Variants in PICALM observed in about 807,000 individuals in gnomAD.
PICALM encodes the protein phosphatidylinositol-binding clathrin assembly protein.
In PICALM, 40 loss-of-function variants were observed where a neutral mutation model predicts 80.5. The ratio of observed to expected loss-of-function variants is 0.50; its 90% CI spans 0.39 to 0.65. The LOEUF (loss-of-function observed/expected upper bound fraction) is 0.65, where lower values mean the gene tolerates loss of function less well. Ranked by LOEUF, PICALM falls within the 30% of genes least tolerant of loss-of-function variation. PICALM has a pLI of 0.00. For synonymous variants in PICALM, 288 were observed against 260.3 expected, an observed-to-expected ratio of 1.11 and a Z score of -1.02; for missense variants, 676 against 778.9, an observed-to-expected ratio of 0.87 and a Z score of 1.57.
intron 1 of PICALM, among the ~76,000 whole-genome samples, chr11:86,048,874 A>C (rs1356286411): frequency 6.6e-6 from 1 of 151,916 alleles, no homozygotes; most frequent in East Asian, 1.9e-4. Context: ...CTGCCTGCTA[A>C]ACTGTAACTT....
chr11:86,055,272 G>C (rs1462771465), intron 1 of PICALM, among the ~76,000 whole-genome samples: 1 of 148,504 alleles, frequency 6.7e-6, no homozygotes, highest in African/African-American at 2.5e-5. Flanking sequence ...GGAGGTTGCA[G>C]TGAGCCTAGA....
chr11:85,983,402 G>A (rs2135747019), intron 14 of PICALM, among the ~76,000 whole-genome samples: 1 of 152,190 alleles, frequency 6.6e-6, no homozygotes, highest in South Asian at 2.1e-4. Flanking sequence ...GTACCCACAG[G>A]CCTGATTATT....
At chr11:86,023,445 C>T (rs902823991) in intron 3 of PICALM, 47 of 984,970 alleles carry the variant, frequency 4.8e-5, no homozygotes, top group Admixed American at 6.1e-5. Context: ...GTGTTACATG[C>T]TCACATTCCT....
chr11:86,012,450 A>G, intron 5 of PICALM, 58 bp from the exon 6 acceptor site: 2 of 933,424 alleles, frequency 2.1e-6, no homozygotes, highest in South Asian at 2.7e-5. Flanking sequence ...GACATTGACA[A>G]AAAGATTTCC....
At chr11:85,999,808 T>G (rs1052722793) in intron 11 of PICALM, among the ~76,000 whole-genome samples, 3 of 152,230 alleles carry the variant, frequency 2.0e-5, no homozygotes, top group African/African-American at 7.2e-5. Flanking sequence ...TAACATGTGC[T>G]AATAATGCAC....
chr11:86,030,531 G>C (rs2095733370), intron 2 of PICALM, among the ~76,000 whole-genome samples: 1 of 152,182 alleles, frequency 6.6e-6, no homozygotes, highest in Non-Finnish European at 1.5e-5. Flanking sequence ...AGATGTTCTT[G>C]AAAAGCTCCT....
chr11:85,985,211 G>A (rs545178319), intron 13 of PICALM, among the ~76,000 whole-genome samples: 18 of 152,232 alleles, frequency 1.2e-4, no homozygotes, highest in Admixed American at 9.2e-4. Context: ...AGGACATAAA[G>A]TATAATGATG....
intron 9 of PICALM, among the ~76,000 whole-genome samples, 162 bp from the exon 10 acceptor site, chr11:86,001,320 G>C (rs926351451): frequency 2.0e-5 from 3 of 152,186 alleles, no homozygotes; most frequent in Non-Finnish European, 4.4e-5. Context: ...TCTACCTAGT[G>C]ATCTACAGGA....
intron 19 of PICALM, among the ~76,000 whole-genome samples, chr11:85,962,717 C>T (rs2093730131): frequency 6.6e-6 from 1 of 152,140 alleles, no homozygotes; most frequent in Non-Finnish European, 1.5e-5. Flanking sequence ...CAAACTAAAA[C>T]ATGACAGAGA....
At chr11:86,014,824 A>C (rs1296177439) in intron 5 of PICALM, 46 bp downstream of exon 5, 1 of 1,101,798 alleles carries the variant, frequency 9.1e-7, no homozygotes, top group Non-Finnish European at 1.3e-6. Flanking sequence ...CATGAATTAT[A>C]ATGACCTAAT....
intron 1 of PICALM, among the ~76,000 whole-genome samples, chr11:86,049,444 T>C (rs1210446437): frequency 6.6e-6 from 1 of 152,256 alleles, no homozygotes; most frequent in Non-Finnish European, 1.5e-5. Flanking sequence ...TCAATAAATC[T>C]TCACACTGAT....
intron 12 of PICALM, among the ~76,000 whole-genome samples, chr11:85,994,706 C>T (rs960577804): frequency 6.6e-6 from 1 of 152,216 alleles, no homozygotes; most frequent in African/African-American, 2.4e-5. Context: ...ATCTAAGCTT[C>T]TCATACATGA....
Position 85,959,042 on chromosome 11 carries a change from C to CAA in PICALM, c.*2_*3dup. 1 of 1,590,640 alleles carries CAA rather than the reference C, an allele frequency of 6.3e-7. No individual in the cohort carries two copies. Among genetic ancestry groups the CAA allele is most frequent in the Non-Finnish European group, 8.6e-7 (1 of 1,163,898 alleles). On this transcript the variant is annotated 3_prime_UTR_variant, in exon 20 of 20. Transcript: ENST00000393346. ...TTGGAGTAATTCCATTTTCTTCCATCAAGTTACATAAACTGTATCTGGAAA... is the reference window on the plus strand; with the variant it reads ...TTGGAGTAATTCCATTTTCTTCCATCAAAAGTTACATAAACTGTATCTGGAAA...
At position 85,976,645 on chromosome 11, in the gene PICALM, G is replaced by T; in HGVS notation, c.1817C>A (p.Thr606Lys). Residue 606 changes from threonine (T) to lysine (K), a missense_variant, in exon 18 of 20, where the codon ACA (threonine) becomes AAA (lysine). Around this residue, in one of 2 missense-constraint regions of PICALM, gnomAD observed 391 missense variants for 383.6 expected, o/e 1.02. Transcript: ENST00000393346. ...PVMAYPATTP[T>K]GMIGYGIPPQ... ...TACAATTCCATATCCTATCATGCCT[G>T]TTGGTGTAGTAGCAGGATAGGCCAT... 1 of 1,602,904 alleles carries T rather than the reference G, an allele frequency of 6.2e-7. No homozygotes were observed. The highest frequency in any genetic ancestry group is 1.1e-5 in the South Asian group (1 of 90,838).
At chr11:85,982,056 T>C in intron 14 of PICALM, 53 bp from the exon 15 acceptor site, 1 of 1,558,564 alleles carries the variant, frequency 6.4e-7, no homozygotes, top group Non-Finnish European at 8.8e-7. Context: ...TATGACGCTA[T>C]GGTTTTCTAA....
intron 3 of PICALM, among the ~76,000 whole-genome samples, chr11:86,024,279 G>T (rs558572574): frequency 3.3e-5 from 5 of 151,774 alleles, no homozygotes; most frequent in South Asian, 2.1e-4. Flanking sequence ...GTAACAATGG[G>T]TCCTACATAT....
chr11:86,060,942 A>T (rs1555156252), intron 1 of PICALM, among the ~76,000 whole-genome samples: 2 of 152,208 alleles, frequency 1.3e-5, no homozygotes, highest in Non-Finnish European at 2.9e-5. Context: ...GCTAAACTGG[A>T]CTTCATTAAG....
At chr11:86,020,977 A>G (rs1242656701) in intron 4 of PICALM, among the ~76,000 whole-genome samples, 2 of 152,208 alleles carry the variant, frequency 1.3e-5, no homozygotes, top group Non-Finnish European at 2.9e-5. Context: ...TATTTATGCG[A>G]TAAGAAACTG....
At chr11:85,994,151 T>C (rs913962246) in intron 12 of PICALM, among the ~76,000 whole-genome samples, 2 of 152,178 alleles carry the variant, frequency 1.3e-5, no homozygotes, top group Non-Finnish European at 2.9e-5. Flanking sequence ...TATTCAACAG[T>C]GTACCAAACT....
Sources: gnomAD v4.1 joint callset for allele counts (sites outside exome capture counted in the v4.1 genomes callset) on GRCh38, gnomAD v4.1.1 for gene constraint, gnomAD v4.1.1 regional missense constraint, MANE v1.5 for transcripts, NCBI Gene and HGNC (gene_info 2026-07-23, HGNC 2026-07-21) for gene names.